C8orf34: variants seen among roughly 807,000 people sequenced by gnomAD.
The protein encoded by C8orf34 is chromosome 8 open reading frame 34, also known as uncharacterized protein C8orf34.
C8orf34 carries 65 observed loss-of-function variants against 68.3 expected under a neutral mutation model. The observed-to-expected ratio is 0.95, with a 90% CI of 0.78 to 1.17. The LOEUF is 1.17. Among genes scored for constraint, C8orf34 ranks in the 50% most tolerant of loss-of-function variants. The pLI is 0.00. For synonymous variants in C8orf34, 244 were observed against 241.2 expected (o/e 1.01, Z -0.11); for missense variants, 664 against 655.4 (o/e 1.01, Z -0.14).
intron 12 of C8orf34, among the ~76,000 whole-genome samples, chr8:68,804,623 G>A (rs7460003): frequency 0.24 from 36,377 of 151,740 alleles, 4,755 homozygotes; most frequent in East Asian, 0.47. Context: ...TCTACTAAAA[G>A]TACTTTTAAA....
intron 1 of C8orf34, among the ~76,000 whole-genome samples, chr8:68,340,544 C>T (rs537803700): frequency 3.3e-5 from 5 of 152,178 alleles, no homozygotes; most frequent in African/African-American, 1.2e-4. Context: ...TAAGGAAATA[C>T]TAGGGATGAC....
rs1291848281 is a variant in C8orf34 at position 68,547,578 on chromosome 8, AAAG to A, written c.1105+14432_1105+14434del. Among the ~76,000 whole-genome samples the A allele has an allele frequency of 1.2e-4, 18 of 151,918 alleles. No individual in the cohort carries two copies. The East Asian group carries it at 3.1e-3, about 26-fold the overall frequency. On this transcript the variant is annotated intron_variant, in intron 7 of 13. Coordinates refer to ENST00000518698, the MANE Select transcript of C8orf34 (RefSeq NM_052958.4). Reference sequence around the variant, plus strand: ...ACCTGGCAAAGACATTAAAAAGAAAAAAGAAAATTACAGATGAATACCCCTTAT... The same window carrying A: ...ACCTGGCAAAGACATTAAAAAGAAAAAAAATTACAGATGAATACCCCTTAT...
At chr8:68,729,544 G>A (rs1223870991) in intron 10 of C8orf34, among the ~76,000 whole-genome samples, 1 of 152,028 alleles carries the variant, frequency 6.6e-6, no homozygotes, top group African/African-American at 2.4e-5. Flanking sequence ...TTCTTTCCCA[G>A]ATCTTTACCT....
chr8:68,737,330 A>G (rs1822149756), intron 10 of C8orf34, among the ~76,000 whole-genome samples: 1 of 152,100 alleles, frequency 6.6e-6, no homozygotes, highest in South Asian at 2.1e-4. Flanking sequence ...TTATGCAAAT[A>G]TTCATTACTT....
At chr8:68,506,493 C>G (rs539620895) in intron 5 of C8orf34, among the ~76,000 whole-genome samples, 4 of 152,314 alleles carry the variant, frequency 2.6e-5, no homozygotes, top group African/African-American at 9.6e-5. Flanking sequence ...GCCACTGCAT[C>G]TGGCTATGCA....
intron 1 of C8orf34, among the ~76,000 whole-genome samples, chr8:68,342,231 A>G (rs779421370): frequency 6.6e-6 from 1 of 152,220 alleles, no homozygotes; most frequent in Non-Finnish European, 1.5e-5. Flanking sequence ...ATTTTAAAAA[A>G]CAAAACTTAA....
At chr8:68,573,182 G>A (rs1586392875) in intron 7 of C8orf34, among the ~76,000 whole-genome samples, 1 of 152,078 alleles carries the variant, frequency 6.6e-6, no homozygotes, top group African/African-American at 2.4e-5. Context: ...CTGTGTTATT[G>A]TATAGTGCCT....
chr8:68,352,574 G>A (rs1000339976), intron 1 of C8orf34, among the ~76,000 whole-genome samples: 1 of 152,062 alleles, frequency 6.6e-6, no homozygotes, highest in Non-Finnish European at 1.5e-5. Flanking sequence ...AAGTGATCCA[G>A]CTTTCATGAA....
chr8:68,370,049 T>G (rs1429952711), intron 1 of C8orf34, among the ~76,000 whole-genome samples: 1 of 152,180 alleles, frequency 6.6e-6, no homozygotes, highest in East Asian at 1.9e-4. Context: ...ATGCAGCAAC[T>G]TTGGGAAAGA....
At chr8:68,625,361 C>T in intron 7 of C8orf34, 2 of 431,488 alleles carry the variant, frequency 4.6e-6, no homozygotes, top group South Asian at 5.8e-5. Flanking sequence ...TTAGGAAATT[C>T]AAAATATGTA....
intron 8 of C8orf34, among the ~76,000 whole-genome samples, chr8:68,655,736 A>G (rs1451743925): frequency 1.3e-5 from 2 of 152,104 alleles, no homozygotes; most frequent in African/African-American, 4.8e-5. Flanking sequence ...TAGGTATGTA[A>G]CCCCATCCGT....
At chr8:68,416,512 C>CATTT (rs3057630) in intron 1 of C8orf34, among the ~76,000 whole-genome samples, 72,297 of 145,912 alleles carry the variant, frequency 0.5, 18,390 homozygotes, top group African/African-American at 0.53. Flanking sequence ...ATTAAACATA[C>CATTT]ATTTATTTAT....
At chr8:68,394,105 T>C (rs1401228382) in intron 1 of C8orf34, among the ~76,000 whole-genome samples, 2 of 151,926 alleles carry the variant, frequency 1.3e-5, no homozygotes, top group African/African-American at 4.8e-5. Context: ...TTTATTATTA[T>C]ACTTTAAGTT....
At chr8:68,428,870 G>A (rs1810337484) in intron 1 of C8orf34, among the ~76,000 whole-genome samples, 1 of 152,116 alleles carries the variant, frequency 6.6e-6, no homozygotes, top group African/African-American at 2.4e-5. Context: ...ACGAATGAGT[G>A]TGGGATGATT....
intron 8 of C8orf34, among the ~76,000 whole-genome samples, chr8:68,705,009 C>T (rs1821123062): frequency 6.6e-6 from 1 of 152,114 alleles, no homozygotes; most frequent in Admixed American, 6.6e-5. Context: ...TGAGAAATCA[C>T]ACTATGGTGG....
At chr8:68,465,603 A>G (rs1375457668) in intron 3 of C8orf34, among the ~76,000 whole-genome samples, 1 of 152,186 alleles carries the variant, frequency 6.6e-6, no homozygotes, top group African/African-American at 2.4e-5. Flanking sequence ...CATACACACC[A>G]TGGAATACTA....
chr8:68,787,670 T>A, intron 12 of C8orf34, 134 bp downstream of exon 12: 1 of 550,402 alleles, frequency 1.8e-6, no homozygotes, highest in East Asian at 3.0e-5. Flanking sequence ...GAAGAACATG[T>A]AAAGACAAGC....
intron 5 of C8orf34, among the ~76,000 whole-genome samples, chr8:68,513,561 CT>C (rs1193862098): frequency 6.6e-6 from 1 of 152,088 alleles, no homozygotes; most frequent in Non-Finnish European, 1.5e-5. Context: ...GTAAAAACGT[CT>C]TCTAAAAGGA....
At chr8:68,817,615 G>GA (rs1824857726) in intron 13 of C8orf34, among the ~76,000 whole-genome samples, 1 of 152,170 alleles carries the variant, frequency 6.6e-6, no homozygotes, top group Non-Finnish European at 1.5e-5. Context: ...ATACAAAGCA[G>GA]AAAAAACATG....
Sources: allele counts gnomAD v4.1 joint callset (sites outside exome capture counted in the v4.1 genomes callset), GRCh38; gene constraint gnomAD v4.1.1; transcripts MANE v1.5; gene names NCBI Gene and HGNC (gene_info 2026-07-23, HGNC 2026-07-21).